Variants in RRP12 observed in about 807,000 individuals in gnomAD.
RRP12 encodes RRP12-like protein.
In RRP12, 78 loss-of-function variants were observed where a neutral mutation model predicts 157.3. The ratio of observed to expected loss-of-function variants is 0.50; its 90% CI spans 0.41 to 0.60. The LOEUF is 0.60. Ranked by LOEUF, RRP12 falls within the 20% of genes least tolerant of loss-of-function variation. The probability of loss-of-function intolerance (pLI) is 0.00; values close to 1 mark genes in which losing one functional copy is unlikely to be tolerated. For missense variants in RRP12, 1,521 were observed against 1,679.9 expected (o/e 0.91, Z 1.65); for synonymous variants, 726 against 670.9 (o/e 1.08, Z -1.27).
At chr10:97,393,657 G>C in intron 4 of RRP12, 27 bp downstream of exon 4, 1 of 1,593,664 alleles carries the variant, frequency 6.3e-7, no homozygotes, top group Non-Finnish European at 8.6e-7. Flanking sequence ...AAAAAGCCTT[G>C]GGGTTCAAAC....
At position 97,371,510 on chromosome 10, in the gene RRP12, C is replaced by T. The variant is rs1004637585; in HGVS notation, c.2344-429G>A. 5 of 208,458 alleles carry T rather than the reference C, an allele frequency of 2.4e-5. No homozygotes were observed. The Admixed American group carries it at 2.6e-4, about 11-fold the overall frequency. 12.9% of individuals were successfully genotyped at this position (208,458 alleles called of 1,614,324 possible). A position where few individuals can be genotyped will look rare whatever the true frequency, so the allele number is the denominator to read the frequency against. ...CTTTCCTGAGGTGACGTGGCCTGGCCCTGGATTTCCATGTCCACCTGCAGT... is the reference window on the plus strand; with the variant it reads ...CTTTCCTGAGGTGACGTGGCCTGGCTCTGGATTTCCATGTCCACCTGCAGT... On this transcript the variant is annotated intron_variant, in intron 20 of 33. Coordinates refer to ENST00000370992, the MANE Select transcript of RRP12 (RefSeq NM_015179.4).
Position 97,373,851 on chromosome 10 carries a change from G to A in RRP12, c.1842C>T (p.Ile614=). 3 of 1,613,836 alleles carry A rather than the reference G, an allele frequency of 1.9e-6. No individual in the cohort carries two copies. In the South Asian group the frequency reaches 3.3e-5, roughly 18 times the overall value. Residue 614 remains isoleucine (I), a synonymous_variant, in exon 16 of 34, where the codon ATC becomes ATT. Transcript: ENST00000370992. ...TTACCTGCCACTGGAGTGTGTCGTA[G>A]ATCTTAGATTCCACTGTGCTGCCTG... ...AQAGSTVESK[I]YDTLQWQMWT... is the part of the protein sequence containing the mutation.
At chr10:97,357,252 C>T in intron 33 of RRP12, 56 bp from the exon 34 acceptor site, 1 of 1,169,094 alleles carries the variant, frequency 8.6e-7, no homozygotes, top group Non-Finnish European at 1.2e-6. Flanking sequence ...AGGCCCCCTC[C>T]TGTTGCCAAA....
intron 24 of RRP12, among the ~76,000 whole-genome samples, chr10:97,369,943 A>G (rs1346389247): frequency 6.6e-6 from 1 of 152,214 alleles, no homozygotes; most frequent in Non-Finnish European, 1.5e-5. Context: ...TGGACTGCAC[A>G]GTCACACGTG....
chr10:97,380,121 C>T (rs960238852), intron 13 of RRP12, among the ~76,000 whole-genome samples: 3 of 152,242 alleles, frequency 2.0e-5, no homozygotes, highest in Admixed American at 6.5e-5. Context: ...ACTATGGCCA[C>T]AGCCCTCCCC....
chr10:97,380,969 C>A, intron 12 of RRP12, 56 bp from the exon 13 acceptor site: 4 of 1,410,138 alleles, frequency 2.8e-6, no homozygotes, highest in Non-Finnish European at 3.0e-6. Flanking sequence ...TGCCCCCCAC[C>A]AGAGAAAGTC....
At chr10:97,394,169 C>T (rs1455502120) in intron 3 of RRP12, among the ~76,000 whole-genome samples, 4 of 151,998 alleles carry the variant, frequency 2.6e-5, no homozygotes, top group Admixed American at 6.6e-5. Flanking sequence ...GGTGAAACAC[C>T]GTCTCTACTA....
chr10:97,358,715 CT>C, intron 32 of RRP12, 96 bp from the exon 33 acceptor site: 1 of 1,006,728 alleles, frequency 9.9e-7, no homozygotes, highest in South Asian at 1.3e-5. Flanking sequence ...CCTTCATCCT[CT>C]GCCTTAGGTG....
At chr10:97,394,448 G>A (rs534601896) in intron 3 of RRP12, among the ~76,000 whole-genome samples, 2 of 152,240 alleles carry the variant, frequency 1.3e-5, no homozygotes, top group East Asian at 3.9e-4. Flanking sequence ...GGAGTGCAGT[G>A]GTATAATCAT....
intron 25 of RRP12, among the ~76,000 whole-genome samples, chr10:97,368,100 G>A (rs972844430): frequency 1.2e-4 from 17 of 144,348 alleles, no homozygotes; most frequent in Non-Finnish European, 2.3e-4. Context: ...GCATGGTCTC[G>A]GATCACTGCA....
Position 97,372,058 on chromosome 10 carries a change from G to GA in RRP12, c.2343+14_2343+15insT. ...CAAGCGTGGCTGTGTGGCGCTCCTGGCCCCCGAGGCTCACCTCTAGGTAGG... is the reference window on the plus strand; with the variant it reads ...CAAGCGTGGCTGTGTGGCGCTCCTGGACCCCCGAGGCTCACCTCTAGGTAGG... On this transcript the variant is annotated intron_variant, in intron 20 of 33. Transcript: ENST00000370992. 4 of 1,594,754 alleles carry GA rather than the reference G, an allele frequency of 2.5e-6. No individual in the cohort carries two copies. The highest frequency in any genetic ancestry group is 3.4e-6 in the Non-Finnish European group (4 of 1,165,248).
At chr10:97,398,039 A>ATTTTTTTTTT (rs1184698036) in intron 2 of RRP12, among the ~76,000 whole-genome samples, 5 of 56,032 alleles carry the variant, frequency 8.9e-5, no homozygotes, top group Non-Finnish European at 1.3e-4. Context: ...ATATATACGT[A>ATTTTTTTTTT]TTTTTTTTTT....
In RRP12 at chr10:97,372,875, T is replaced by C. The variant is rs1250340781; in HGVS notation, c.2182-72A>G. 2.0e-6 allele frequency: 3 copies of C among 1,485,932 alleles called. No homozygotes were observed. In the East Asian group the frequency reaches 7.4e-5, roughly 37 times the overall value. 92.0% of individuals were successfully genotyped at this position (1,485,932 alleles called of 1,614,324 possible). On this transcript the variant is annotated intron_variant, in intron 18 of 33. Transcript: ENST00000370992. ...CGAAAGAAAGCAGCAATGGCAGCAG[T>C]CCCAGAGCGGCCTCCCCATCAGCCC...
chr10:97,389,427 A>G (rs1346337604), intron 6 of RRP12, among the ~76,000 whole-genome samples: 1 of 152,142 alleles, frequency 6.6e-6, no homozygotes, highest in Non-Finnish European at 1.5e-5. Flanking sequence ...TGGTCAGGAA[A>G]GTGTCACCGC....
intron 25 of RRP12, 73 bp from the exon 26 acceptor site, chr10:97,367,205 C>A: frequency 4.6e-6 from 6 of 1,302,354 alleles, no homozygotes; most frequent in Non-Finnish European, 6.6e-6. Flanking sequence ...CTGTCCAGCC[C>A]AGGGACGCAG....
intron 31 of RRP12, among the ~76,000 whole-genome samples, 179 bp from the exon 32 acceptor site, chr10:97,359,189 T>A (rs1051593838): frequency 3.3e-5 from 5 of 152,246 alleles, no homozygotes; most frequent in African/African-American, 1.2e-4. Flanking sequence ...TGTCTGGTGA[T>A]TTGACAGTTA....
intron 9 of RRP12, among the ~76,000 whole-genome samples, chr10:97,385,548 T>C (rs1844607565): frequency 6.6e-6 from 1 of 151,440 alleles, no homozygotes; most frequent in Non-Finnish European, 1.5e-5. Context: ...AAAACGTACA[T>C]TTTGCTAACA....
intron 10 of RRP12, among the ~76,000 whole-genome samples, chr10:97,383,883 C>T (rs1203253750): frequency 2.6e-5 from 4 of 152,310 alleles, no homozygotes; most frequent in Non-Finnish European, 5.9e-5. Flanking sequence ...GGGCTCGCAG[C>T]CCACCTTGCT....
chr10:97,379,502 ACCT>A (rs1844403887), intron 14 of RRP12, 88 bp from the exon 15 acceptor site: 1 of 1,591,100 alleles, frequency 6.3e-7, no homozygotes, highest in Admixed American at 1.7e-5. Context: ...ACAGAGTAAG[ACCT>A]CCTCTGGCCC....
Sources: allele counts gnomAD v4.1 joint callset (sites outside exome capture counted in the v4.1 genomes callset), GRCh38; gene constraint gnomAD v4.1.1; transcripts MANE v1.5; gene names NCBI Gene and HGNC (gene_info 2026-07-23, HGNC 2026-07-21).